Variants in GANAB observed in about 807,000 individuals in gnomAD.
GANAB encodes glucosidase II alpha subunit.
A neutral mutation model predicts 129.9 loss-of-function variants in GANAB; 35 were observed. The observed-to-expected ratio is 0.27, with a 90% confidence interval of 0.21 to 0.36. The LOEUF (loss-of-function observed/expected upper bound fraction) is 0.36. GANAB is among the 10% of genes least tolerant of loss of function. The probability of loss-of-function intolerance (pLI) is 1.00; values close to 1 mark genes in which losing one functional copy is unlikely to be tolerated. For missense variants in GANAB, 939 were observed against 1,221.0 expected, an observed-to-expected ratio of 0.77 and a Z score of 3.44; for synonymous variants, 482 against 451.8, an observed-to-expected ratio of 1.07 and a Z score of -0.85.
At chr11:62,633,125 C>A in intron 7 of GANAB, 24 bp from the exon 8 acceptor site, 1 of 1,602,662 alleles carries the variant, frequency 6.2e-7, no homozygotes, top group East Asian at 2.2e-5. Flanking sequence ...AAACAAGCTT[C>A]AGAGCTTCTG....
chr11:62,635,571 A>C (rs1429307935), intron 4 of GANAB, among the ~76,000 whole-genome samples: 2 of 126,792 alleles, frequency 1.6e-5, no homozygotes, highest in African/African-American at 5.8e-5. Context: ...AACTGAAAAA[A>C]CATTTTCCAT....
In GANAB at chr11:62,625,910, G is replaced by A. The variant is rs751678133; in HGVS notation, c.2740C>T (p.Arg914Cys). The change falls in exon 24 of 24, where the codon CGC (arginine) becomes TGC (cysteine). Residue 914 changes from arginine to cysteine, a missense_variant. Arg to Cys is a radical substitution (Grantham distance 180). Transcript: ENST00000356638. ...TCAGGGTCATGCTGGAAGGACAGGC[G>A]GCTTTCTGGAGATCCTGGAGGAGGA... ...VLQTKGSPES[R>C]LSFQHDPETS... 8.8e-5 allele frequency: 142 copies of A among 1,612,220 alleles called. No homozygotes were observed. In the Admixed American group the frequency reaches 1.4e-3, roughly 16 times the overall value.
chr11:62,640,525 T>C (rs1303030227), intron 1 of GANAB, among the ~76,000 whole-genome samples: 1 of 63,122 alleles, frequency 1.6e-5, no homozygotes, highest in East Asian at 5.7e-4. Flanking sequence ...AGAGTGAGAC[T>C]CCATCTCCAA....
intron 1 of GANAB, among the ~76,000 whole-genome samples, chr11:62,646,129 C>A (rs929582472): frequency 1.6e-4 from 24 of 152,332 alleles, no homozygotes; most frequent in Admixed American, 4.6e-4. Context: ...GTAGTACAGG[C>A]TTAACTGCTG....
At position 62,632,546 on chromosome 11, in the gene GANAB, C is replaced by T. The variant is rs1565098306; in HGVS notation, c.996+19G>A. 4 of 1,601,034 alleles carry T rather than the reference C, an allele frequency of 2.5e-6. No homozygotes were observed. Among genetic ancestry groups the T allele is most frequent in the South Asian group, 1.1e-5 (1 of 90,606 alleles). ...TGGAAGCTTCACTCCCTCCTTTTTC[C>T]CCGTGCCTGTGCTCTCACCTTCCCG... is the stretch of plus-strand genomic sequence containing the variant. On this transcript the variant is annotated intron_variant, in intron 9 of 23. Coordinates refer to ENST00000356638, the MANE Select transcript of GANAB (RefSeq NM_198334.3).
Position 62,630,851 on chromosome 11 carries a change from G to T in GANAB, c.1151-15C>A. On this transcript the variant is annotated splice_polypyrimidine_tract_variant and intron_variant, in intron 10 of 23. Transcript: ENST00000356638. ...CGCCTGGGTTCCTGCAGGTTCATGA[G>T]GGATGGGGGTCACAACGAGGATCAG... is the stretch of plus-strand genomic sequence containing the variant. The T allele has an allele frequency of 6.3e-7, 1 of 1,595,108 alleles. No individual in the cohort carries two copies. The highest frequency in any genetic ancestry group is 8.6e-7 in the Non-Finnish European group (1 of 1,164,054).
chr11:62,626,205 T>A (rs1334324641), intron 22 of GANAB, 40 bp from the exon 23 acceptor site: 1 of 1,467,222 alleles, frequency 6.8e-7, no homozygotes, highest in Middle Eastern at 1.7e-4. Flanking sequence ...GGGGGAAAAA[T>A]AACAGAACAG....
chr11:62,645,272 C>A (rs1565115198), intron 1 of GANAB, among the ~76,000 whole-genome samples: 1 of 152,158 alleles, frequency 6.6e-6, no homozygotes, highest in Non-Finnish European at 1.5e-5. Flanking sequence ...CGCGGTGGCT[C>A]ACGCCTGTAA....
At chr11:62,626,489 G>A in intron 21 of GANAB, 42 bp from the exon 22 acceptor site, 1 of 1,516,540 alleles carries the variant, frequency 6.6e-7, no homozygotes, top group Non-Finnish European at 9.2e-7. Context: ...AGCCCAAGAG[G>A]GAGTGAGGGG....
Position 62,625,588 on chromosome 11 carries a change from A to G in GANAB, c.*227T>C, listed in dbSNP as rs907961710. 3.6e-6 allele frequency: 2 copies of G among 562,778 alleles called. No individual in the cohort carries two copies. Among genetic ancestry groups the G allele is most frequent in the Non-Finnish European group, 6.4e-6 (2 of 313,030 alleles). 34.9% of individuals were successfully genotyped at this position (562,778 alleles called of 1,614,324 possible). The stretch of plus-strand genomic sequence containing the variant: ...AGTTAGAGCAACAGGATGTTGGGGG[A>G]ATGAAGGGAAAGAGTTGGTATCAAT... On this transcript the variant is annotated 3_prime_UTR_variant, in exon 24 of 24. Coordinates refer to ENST00000356638, the MANE Select transcript of GANAB (RefSeq NM_198334.3).
intron 1 of GANAB, 83 bp downstream of exon 1, chr11:62,646,479 A>C (rs1251755791): frequency 6.8e-7 from 1 of 1,481,370 alleles, no homozygotes; most frequent in African/African-American, 1.4e-5. Context: ...GCAGAGTGTC[A>C]AGAGACACAC....
At chr11:62,627,191 C>T (rs1943433440) in intron 18 of GANAB, 67 bp from the exon 19 acceptor site, 3 of 1,461,640 alleles carry the variant, frequency 2.1e-6, no homozygotes, top group African/African-American at 2.8e-5. Flanking sequence ...ACCAAAGTGC[C>T]TGCCCTCTGC....
chr11:62,640,030 T>C, intron 1 of GANAB: 3 of 297,798 alleles, frequency 1.0e-5, no homozygotes, highest in Middle Eastern at 1.1e-3. Context: ...GGTCAGGAGA[T>C]CAAGACCATC....
rs144707177 is a variant in GANAB, at chr11:62,642,975, C to T, written c.39-3244G>A. On this transcript the variant is annotated intron_variant, in intron 1 of 23. Coordinates refer to ENST00000356638, the MANE Select transcript of GANAB (RefSeq NM_198334.3). ...TGTGCTTGACTCTGGGGCCCATGTG[C>T]TTTACCATGATGCACAATACAGCAC... Among the ~76,000 whole-genome samples, 522 of 152,240 alleles carry T rather than the reference C, an allele frequency of 3.4e-3. 1 individual carries two copies. Among genetic ancestry groups the T allele is most frequent in the South Asian group, 0.015 (70 of 4,826 alleles).
At chr11:62,634,504 A>T in intron 5 of GANAB, 1 of 676,202 alleles carries the variant, frequency 1.5e-6, no homozygotes, top group Middle Eastern at 2.8e-4. Context: ...CAAAAAAAAT[A>T]AATAAATAAA....
At position 62,634,827 on chromosome 11, in the gene GANAB, C is replaced by G. The variant is rs766662244; in HGVS notation, c.554G>C (p.Arg185Thr). Residue 185 changes from arginine (R) to threonine (T), a missense_variant, in exon 5 of 24, where the codon AGG becomes ACG. This residue lies in a region of GANAB where 321 missense variants were observed against 329.1 expected (regional missense o/e 0.98). Coordinates refer to ENST00000356638, the MANE Select transcript of GANAB (RefSeq NM_198334.3). ...TCCCAACCCCTGTACTCACGAGACC[C>G]TAGGGGCCCTCTGATGCTCAAACTC... ...LLEFEHQRAP[R>T]VSQGSKDPAE... 1.4e-5 allele frequency: 23 copies of G among 1,613,452 alleles called. No homozygotes were observed. In the East Asian group the frequency reaches 4.9e-4, roughly 34 times the overall value.
chr11:62,645,729 A>G (rs1944450321), intron 1 of GANAB, among the ~76,000 whole-genome samples: 1 of 152,168 alleles, frequency 6.6e-6, no homozygotes, highest in African/African-American at 2.4e-5. Context: ...TCATAGGCCA[A>G]AGTCAGGAAT....
Position 62,625,930 on chromosome 11 carries a change from G to T in GANAB, c.2726-6C>A. ...CAGGCGGCTTTCTGGAGATCCTGGAGGAGGAATAAAAGAGTGCCATAGTCA... is the reference window on the plus strand; with the variant it reads ...CAGGCGGCTTTCTGGAGATCCTGGATGAGGAATAAAAGAGTGCCATAGTCA... On this transcript the variant is annotated splice_polypyrimidine_tract_variant and splice_region_variant and intron_variant, in intron 23 of 23. Coordinates refer to ENST00000356638, the MANE Select transcript of GANAB (RefSeq NM_198334.3). The T allele has an allele frequency of 6.3e-7, 1 of 1,598,190 alleles. No homozygotes were observed. The highest frequency in any genetic ancestry group is 1.3e-5 in the African/African-American group (1 of 74,712).
intron 9 of GANAB, among the ~76,000 whole-genome samples, chr11:62,632,023 G>A (rs911207882): frequency 6.6e-6 from 1 of 151,724 alleles, no homozygotes; most frequent in Non-Finnish European, 1.5e-5. Context: ...ACCCAGGCTG[G>A]AGTGCAGTGG....
Sources: allele counts gnomAD v4.1 joint callset (sites outside exome capture counted in the v4.1 genomes callset), GRCh38; gene constraint gnomAD v4.1.1; regional missense constraint gnomAD v4.1.1; transcripts MANE v1.5; gene names NCBI Gene and HGNC (gene_info 2026-07-23, HGNC 2026-07-21).